CCDC126: variants seen among roughly 807,000 people sequenced by gnomAD.
CCDC126 encodes the protein coiled-coil domain-containing protein 126.
In CCDC126, 5 loss-of-function variants were observed where a neutral mutation model predicts 11.7. The observed-to-expected ratio is 0.43, with a 90% CI of 0.22 to 0.90. The LOEUF is 0.90. Ranked by LOEUF, CCDC126 falls within the 40% of genes least tolerant of loss-of-function variation. The pLI is 0.27. For missense variants in CCDC126, 150 were observed against 163.1 expected (o/e 0.92, Z 0.44); for synonymous variants, 60 against 61.9 (o/e 0.97, Z 0.14).
intron 3 of CCDC126, among the ~76,000 whole-genome samples, chr7:23,631,250 CTT>C (rs960011018): frequency 3.3e-5 from 5 of 151,912 alleles, no homozygotes; most frequent in African/African-American, 1.2e-4. Flanking sequence ...AAGGGACAAA[CTT>C]ATGATAAGAC....
At chr7:23,635,154 T>C (rs1783186952) in intron 3 of CCDC126, among the ~76,000 whole-genome samples, 1 of 152,252 alleles carries the variant, frequency 6.6e-6, no homozygotes, top group Non-Finnish European at 1.5e-5. Flanking sequence ...TTTTCTAAAT[T>C]GGATCCTTCA....
chr7:23,631,818 A>G (rs1783121671), intron 3 of CCDC126, among the ~76,000 whole-genome samples: 2 of 152,044 alleles, frequency 1.3e-5, no homozygotes, highest in Non-Finnish European at 2.9e-5. Context: ...CTGAAAAAAA[A>G]TCTGTAGGCC....
chr7:23,616,341 A>G (rs1156814033), intron 3 of CCDC126, among the ~76,000 whole-genome samples: 1 of 152,170 alleles, frequency 6.6e-6, no homozygotes, highest in African/African-American at 2.4e-5. Context: ...ATCATCTTGT[A>G]GATTTCTTTT....
chr7:23,602,793 T>C (rs1782565537), intron 2 of CCDC126, among the ~76,000 whole-genome samples: 1 of 146,716 alleles, frequency 6.8e-6, no homozygotes, highest in Admixed American at 6.8e-5. Flanking sequence ...CACATCACCA[T>C]TTTTTTTTTT....
At chr7:23,607,074 G>C (rs994449665) in intron 2 of CCDC126, among the ~76,000 whole-genome samples, 4 of 152,142 alleles carry the variant, frequency 2.6e-5, no homozygotes, top group African/African-American at 7.2e-5. Context: ...ACTGCAAGCC[G>C]GGGCAACAGA....
intron 3 of CCDC126, among the ~76,000 whole-genome samples, chr7:23,638,290 A>G (rs1238829334): frequency 6.7e-6 from 1 of 149,820 alleles, no homozygotes; most frequent in Non-Finnish European, 1.5e-5. Flanking sequence ...AAGGGTGGGG[A>G]AAAAATTGAG....
At chr7:23,621,477 G>A (rs181896602) in intron 3 of CCDC126, among the ~76,000 whole-genome samples, 2 of 152,158 alleles carry the variant, frequency 1.3e-5, no homozygotes, top group Admixed American at 6.5e-5. Flanking sequence ...AGGAGATTTT[G>A]GGCTGAGATG....
At chr7:23,622,961 GCTCA>G (rs1782944539) in intron 3 of CCDC126, 1 of 166,564 alleles carries the variant, frequency 6.0e-6, no homozygotes, top group South Asian at 1.2e-4. Flanking sequence ...GGTTAAATAT[GCTCA>G]CTCTTTTTTT....
At chr7:23,624,025 C>T (rs564422352) in intron 3 of CCDC126, among the ~76,000 whole-genome samples, 1 of 152,198 alleles carries the variant, frequency 6.6e-6, no homozygotes, top group Admixed American at 6.5e-5. Flanking sequence ...TGGGACCTTT[C>T]GGGGTAGGAT....
At chr7:23,608,165 A>G (rs1048426774) in intron 2 of CCDC126, among the ~76,000 whole-genome samples, 2 of 152,224 alleles carry the variant, frequency 1.3e-5, no homozygotes, top group African/African-American at 4.8e-5. Context: ...CAGCCCTCTG[A>G]TGTCAAAAGG....
chr7:23,638,906 A>T (rs904313344), intron 3 of CCDC126, among the ~76,000 whole-genome samples: 78 of 142,844 alleles, frequency 5.5e-4, no homozygotes, highest in African/African-American at 1.8e-3. Context: ...TGCCCATTTT[A>T]GGTTGCTACT....
At chr7:23,631,321 C>T (rs1443698046) in intron 3 of CCDC126, among the ~76,000 whole-genome samples, 1 of 152,114 alleles carries the variant, frequency 6.6e-6, no homozygotes, top group African/African-American at 2.4e-5. Context: ...AATATCAGGG[C>T]AGACCCTGCA....
At chr7:23,607,891 G>T (rs1159479252) in intron 2 of CCDC126, among the ~76,000 whole-genome samples, 1 of 152,206 alleles carries the variant, frequency 6.6e-6, no homozygotes, top group Non-Finnish European at 1.5e-5. Flanking sequence ...CTTATAAAGG[G>T]TTGCAACCTG....
intron 2 of CCDC126, among the ~76,000 whole-genome samples, chr7:23,601,544 C>G (rs544271262): frequency 5.2e-4 from 79 of 152,264 alleles, no homozygotes; most frequent in African/African-American, 1.8e-3. Context: ...ATTTTGTTCC[C>G]TGCTTTTGAA....
chr7:23,629,715 T>G (rs1044115272), intron 3 of CCDC126, among the ~76,000 whole-genome samples: 2 of 33,150 alleles, frequency 6.0e-5, no homozygotes, highest in Non-Finnish European at 1.2e-4. Context: ...AACAACAGAA[T>G]GGAGGGGACA....
At chr7:23,598,413 A>G (rs1782467219) in intron 2 of CCDC126, 1 of 152,208 alleles carries the variant, frequency 6.6e-6, no homozygotes, top group South Asian at 2.1e-4. Context: ...ACCTAACCAA[A>G]GGATTCATTA....
In CCDC126 at chr7:23,640,991, G is replaced by GATTTTTTT. The variant is rs754297249; in HGVS notation, c.239-1940_239-1939insATTTTTTT. Among the ~76,000 whole-genome samples the GATTTTTTT allele has an allele frequency of 7.2e-5, 8 of 110,996 alleles. 1 individual carries two copies. The highest frequency in any genetic ancestry group is 9.2e-5 in the Admixed American group (1 of 10,844). 72.8% of individuals were successfully genotyped at this position (110,996 alleles called of 152,430 possible). A position where few individuals can be genotyped will look rare whatever the true frequency, so the allele number is the denominator to read the frequency against. On this transcript the variant is annotated intron_variant, in intron 3 of 3. Coordinates refer to ENST00000307471, the MANE Select transcript of CCDC126 (RefSeq NM_138771.4). ...ATCCCTCTGAGCTCTGAATCCTTTT[G>GATTTTTTT]GTTTTTTTTTTTTTTTTTTTTTTTG...
intron 2 of CCDC126, chr7:23,604,321 A>C (rs1782587888): frequency 6.6e-6 from 1 of 152,224 alleles, no homozygotes; most frequent in South Asian, 2.1e-4. Context: ...ATATAAATGT[A>C]AGATATAATT....
At chr7:23,619,320 G>T in intron 3 of CCDC126, 1 of 299,298 alleles carries the variant, frequency 3.3e-6, no homozygotes, top group South Asian at 3.8e-5. Flanking sequence ...AGAAACAGGA[G>T]TGTGGCGTGA....
Sources: gnomAD v4.1 joint callset for allele counts (sites outside exome capture counted in the v4.1 genomes callset) on GRCh38, gnomAD v4.1.1 for gene constraint, MANE v1.5 for transcripts, NCBI Gene and HGNC (gene_info 2026-07-23, HGNC 2026-07-21) for gene names.